Variants in POLN observed in about 807,000 individuals in gnomAD.
POLN encodes DNA polymerase nu, also known as DNA polymerase N.
A neutral mutation model predicts 113.5 loss-of-function variants in POLN; 108 were observed. That is an observed-to-expected ratio of 0.95 (90% CI 0.81 to 1.12). The LOEUF (loss-of-function observed/expected upper bound fraction) is 1.12, where lower values mean the gene tolerates loss of function less well. Among genes scored for constraint, POLN ranks in the 50% most tolerant of loss-of-function variants. POLN has a pLI of 0.00. For synonymous variants in POLN, 386 were observed against 391.5 expected, an observed-to-expected ratio of 0.99 and a Z score of 0.17; for missense variants, 1,097 against 1,077.1, an observed-to-expected ratio of 1.02 and a Z score of -0.26.
At chr4:2,189,638 C>CAAA (rs776990379) in intron 7 of POLN, among the ~76,000 whole-genome samples, 17,268 of 137,182 alleles carry the variant, frequency 0.13, 1,915 homozygotes, top group East Asian at 0.3. Flanking sequence ...GACTCCATCT[C>CAAA]AAACAAAAAA....
chr4:2,136,280 G>A (rs551187095), intron 16 of POLN, among the ~76,000 whole-genome samples: 42 of 152,302 alleles, frequency 2.8e-4, no homozygotes, highest in Admixed American at 1.8e-3. Flanking sequence ...TCTCCTCTAG[G>A]GTATACAGTT....
At chr4:2,106,374 AAGACTCCT>A (rs749554924) in intron 19 of POLN, among the ~76,000 whole-genome samples, 4 of 152,210 alleles carry the variant, frequency 2.6e-5, no homozygotes, top group Non-Finnish European at 5.9e-5. Context: ...GAGGTCTTGC[AAGACTCCT>A]AGACTTTAGA....
chr4:2,151,230 G>C (rs1015356637), intron 16 of POLN, among the ~76,000 whole-genome samples: 1 of 152,188 alleles, frequency 6.6e-6, no homozygotes, highest in Non-Finnish European at 1.5e-5. Flanking sequence ...CAGCAGTAGT[G>C]ATCAGGGTAA....
intron 16 of POLN, among the ~76,000 whole-genome samples, chr4:2,142,016 A>C (rs1374085952): frequency 1.3e-5 from 2 of 152,116 alleles, no homozygotes; most frequent in African/African-American, 4.8e-5. Context: ...CACCTCTTCC[A>C]AGCCAAGGAG....
chr4:2,087,510 G>T (rs1389964252), intron 20 of POLN, among the ~76,000 whole-genome samples: 11 of 152,108 alleles, frequency 7.2e-5, no homozygotes, highest in Admixed American at 5.2e-4. Flanking sequence ...CCCATCTGGT[G>T]AATTTTTTAT....
chr4:2,161,700 C>T (rs895328854), intron 13 of POLN, among the ~76,000 whole-genome samples: 1 of 152,224 alleles, frequency 6.6e-6, no homozygotes, highest in African/African-American at 2.4e-5. Flanking sequence ...AGCCCCTGTG[C>T]GAGATCCGCT....
intron 7 of POLN, among the ~76,000 whole-genome samples, chr4:2,191,499 C>CTA (rs1310890604): frequency 6.6e-6 from 1 of 151,942 alleles, no homozygotes; most frequent in Admixed American, 6.6e-5. Flanking sequence ...TTCAAATATT[C>CTA]CCAGTATAAA....
intron 13 of POLN, 37 bp from the exon 14 acceptor site, chr4:2,159,248 C>G (rs749441607): frequency 6.7e-7 from 1 of 1,501,230 alleles, no homozygotes; most frequent in Non-Finnish European, 9.2e-7. Context: ...TGTAATTCGT[C>G]CATTTTAACA....
intron 16 of POLN, 176 bp downstream of exon 16, chr4:2,156,594 ACTTCATGAGAAGAGAACC>A (rs1226253419): frequency 2.3e-4 from 152 of 656,026 alleles, no homozygotes; most frequent in Non-Finnish European, 2.3e-4. Context: ...CTAACTCAGC[ACTTCATGAGAAGAGAACC>A]CATCTGTCTT....
intron 2 of POLN, among the ~76,000 whole-genome samples, chr4:2,234,879 A>T (rs1734703582): frequency 6.6e-6 from 1 of 152,140 alleles, no homozygotes; most frequent in African/African-American, 2.4e-5. Context: ...ATATACAACT[A>T]CATGGAGAAA....
chr4:2,215,627 G>C (rs1461287751), intron 3 of POLN, among the ~76,000 whole-genome samples: 3 of 152,150 alleles, frequency 2.0e-5, no homozygotes, highest in Admixed American at 6.5e-5. Context: ...AGGCAATCAG[G>C]GAGGGGCTGT....
chr4:2,174,028 C>T lies in POLN; in HGVS notation c.1310-9G>A, dbSNP rs778703419. ...GGCATGGCTTTCCATCACTGTGATT[C>T]GAAACCCAAACCAGATCATATTTGC... On this transcript the variant is annotated splice_polypyrimidine_tract_variant and intron_variant, in intron 10 of 25. Transcript: ENST00000511885. 9.9e-6 allele frequency: 16 copies of T among 1,613,800 alleles called. No homozygotes were observed. Among genetic ancestry groups the T allele is most frequent in the Admixed American group, 6.7e-5 (4 of 60,002 alleles).
At chr4:2,194,371 G>C (rs558578569) in intron 6 of POLN, among the ~76,000 whole-genome samples, 1 of 152,316 alleles carries the variant, frequency 6.6e-6, no homozygotes, top group East Asian at 1.9e-4. Context: ...ACTGCAGTTA[G>C]ATTTTGCTTG....
rs1398368717 is a variant in POLN at position 2,213,052 on chromosome 4, T to C, written c.208A>G (p.Lys70Glu). The change falls in exon 4 of 26, where the codon AAA becomes GAA. Residue 70 changes from lysine to glutamate, a missense_variant. Coordinates refer to ENST00000511885, the MANE Select transcript of POLN (RefSeq NM_181808.4). ...TCATATGTGCAATGATTTACCTTTT[T>C]TTCTGGTGATTGAGTCTTCCTGTCT... ...LEDRKTQSPE[K>E]KDLKSLRSQT... 3 of 1,604,766 alleles carry C rather than the reference T, an allele frequency of 1.9e-6. No homozygotes were observed. The highest frequency in any genetic ancestry group is 1.7e-5 in the Admixed American group (1 of 59,072).
chr4:2,102,244 C>T (rs1730944668), intron 19 of POLN, among the ~76,000 whole-genome samples: 1 of 152,174 alleles, frequency 6.6e-6, no homozygotes, highest in South Asian at 2.1e-4. Context: ...GCTGTGCCTG[C>T]CTTCATCCCC....
intron 13 of POLN, among the ~76,000 whole-genome samples, chr4:2,163,072 A>G (rs573197743): frequency 9.3e-4 from 140 of 150,314 alleles, no homozygotes; most frequent in African/African-American, 3.3e-3. Flanking sequence ...GATTTTAATT[A>G]AAATTGTCTA....
chr4:2,175,679 C>T (rs1311523233), intron 9 of POLN, among the ~76,000 whole-genome samples: 1 of 152,224 alleles, frequency 6.6e-6, no homozygotes, highest in Non-Finnish European at 1.5e-5. Context: ...ATGTTCTCTC[C>T]TGCCCCTCCA....
chr4:2,211,958 G>A (rs926967250), intron 4 of POLN, among the ~76,000 whole-genome samples: 3 of 152,166 alleles, frequency 2.0e-5, no homozygotes, highest in African/African-American at 7.2e-5. Context: ...GGGAAGAAGA[G>A]AAGAGTCCCT....
At chr4:2,192,116 A>G (rs1424113386) in intron 7 of POLN, among the ~76,000 whole-genome samples, 1 of 145,330 alleles carries the variant, frequency 6.9e-6, no homozygotes, top group East Asian at 2.0e-4. Flanking sequence ...CTCCATCTCA[A>G]AAAAAAAAAA....
Sources: allele counts gnomAD v4.1 joint callset (sites outside exome capture counted in the v4.1 genomes callset), GRCh38; gene constraint gnomAD v4.1.1; transcripts MANE v1.5; gene names NCBI Gene and HGNC (gene_info 2026-07-23, HGNC 2026-07-21).